CAMTA1: variants seen among roughly 807,000 people sequenced by gnomAD.
CAMTA1 encodes calmodulin binding transcription activator 1, also known as calmodulin-binding transcription activator 1.
In CAMTA1, 27 loss-of-function variants were observed where a neutral mutation model predicts 170.9. The observed-to-expected ratio is 0.16, with a 90% CI of 0.12 to 0.22. The LOEUF is 0.22. Among genes scored for constraint, CAMTA1 ranks in the 10% least tolerant of loss-of-function variants. The pLI, the probability that CAMTA1 is intolerant of heterozygous loss-of-function variation, is 1.00. For synonymous variants in CAMTA1, 833 were observed against 891.5 expected (o/e 0.93, Z 1.17); for missense variants, 1,619 against 2,217.2 (o/e 0.73, Z 5.42).
intron 7 of CAMTA1, among the ~76,000 whole-genome samples, chr1:7,656,923 G>A (rs2095908882): frequency 6.6e-6 from 1 of 152,240 alleles, no homozygotes; most frequent in South Asian, 2.1e-4. Flanking sequence ...GGCTAGGTCA[G>A]CATTGGAGTG....
intron 7 of CAMTA1, among the ~76,000 whole-genome samples, chr1:7,654,802 CACACCCACACACA>C (rs2095871821): frequency 4.6e-5 from 1 of 21,654 alleles, no homozygotes; most frequent in Admixed American, 5.1e-4. Context: ...CACCTATACA[CACACCCACACACA>C]CCACACACAC....
rs963934525 is a variant in CAMTA1, at chr1:7,634,042, C to T, written c.511-6358C>T. 1.3e-5 allele frequency among the ~76,000 whole-genome samples: 2 copies of T among 152,154 alleles called. No homozygotes were observed. Among genetic ancestry groups the T allele is most frequent in the Non-Finnish European group, 2.9e-5 (2 of 68,028 alleles). ...CGGCCAGCAAGAAGCACAGGTGGCC[C>T]GGCCTGGAACCGTGGCAGGAGTGTG... On this transcript the variant is annotated intron_variant, in intron 6 of 22. Coordinates refer to ENST00000303635, the MANE Select transcript of CAMTA1 (RefSeq NM_015215.4). The surrounding 1 kb of genome is among the most constrained non-coding windows in gnomAD (Gnocchi z 6.2).
At position 7,492,622 on chromosome 1, in the gene CAMTA1, T is replaced by TAC. The variant is rs36140947; in HGVS notation, c.510+24724_510+24725dup. ...GTGCACACACACACACAAATGTACA[T>TAC]ACACGCGCACACAAACACATACAAT... On this transcript the variant is annotated intron_variant, in intron 6 of 22. Coordinates refer to ENST00000303635, the MANE Select transcript of CAMTA1 (RefSeq NM_015215.4). 2.4e-4 allele frequency among the ~76,000 whole-genome samples: 35 copies of TAC among 146,314 alleles called. No homozygotes were observed. The East Asian group carries it at 3.9e-3, about 16-fold the overall frequency.
chr1:6,921,822 C>T (rs570326789), intron 3 of CAMTA1, among the ~76,000 whole-genome samples: 14 of 152,278 alleles, frequency 9.2e-5, no homozygotes, highest in South Asian at 2.1e-4. Flanking sequence ...GAGAAAGACC[C>T]GTCCCGCTAA....
At chr1:7,148,566 C>T (rs992418601) in intron 4 of CAMTA1, among the ~76,000 whole-genome samples, 1 of 152,168 alleles carries the variant, frequency 6.6e-6, no homozygotes, top group African/African-American at 2.4e-5. Context: ...GGGAGTGGGT[C>T]CAGTCCCCAC....
intron 11 of CAMTA1, among the ~76,000 whole-genome samples, chr1:7,720,235 G>C (rs2096640628): frequency 6.6e-6 from 1 of 152,184 alleles, no homozygotes; most frequent in South Asian, 2.1e-4. Context: ...GTTGAACCTG[G>C]CTGACTTGTT....
chr1:7,571,689 T>C (rs776372887), intron 6 of CAMTA1, among the ~76,000 whole-genome samples: 3 of 152,210 alleles, frequency 2.0e-5, no homozygotes, highest in Non-Finnish European at 2.9e-5. Context: ...TATGGCTGCA[T>C]AGTATTCCAC....
At chr1:7,373,554 A>T (rs188617713) in intron 5 of CAMTA1, among the ~76,000 whole-genome samples, 12 of 152,260 alleles carry the variant, frequency 7.9e-5, no homozygotes, top group Non-Finnish European at 7.4e-5. Flanking sequence ...ACTCAGACTC[A>T]CTCTGAGTCC....
intron 3 of CAMTA1, among the ~76,000 whole-genome samples, chr1:7,066,316 AG>A (rs1708953278): frequency 6.6e-6 from 1 of 152,176 alleles, no homozygotes; most frequent in Non-Finnish European, 1.5e-5. Context: ...GTCTCATCTC[AG>A]GTGGGCTGGC....
Position 6,965,263 on chromosome 1 carries a change from C to T in CAMTA1, c.235-126041C>T, listed in dbSNP as rs1049417406. On this transcript the variant is annotated intron_variant, in intron 3 of 22. Coordinates refer to ENST00000303635, the MANE Select transcript of CAMTA1 (RefSeq NM_015215.4). This position sits in a 1 kb window ranked among gnomAD's most constrained non-coding sequence, Gnocchi z 4.1. ...TGTGCATGTGTGTGGGCACGTGCTC[C>T]TGGGGGCATGCACATGTTTAAGTGT... 6.6e-6 allele frequency among the ~76,000 whole-genome samples: 1 copy of T among 151,606 alleles called. No individual in the cohort carries two copies. Among genetic ancestry groups the T allele is most frequent in the African/African-American group, 2.4e-5 (1 of 41,224 alleles).
chr1:6,863,795 A>G (rs1289585039), intron 3 of CAMTA1, among the ~76,000 whole-genome samples: 1 of 152,192 alleles, frequency 6.6e-6, no homozygotes, highest in East Asian at 1.9e-4. Flanking sequence ...TGAACTCTAC[A>G]CTTCATTCAG....
At chr1:7,477,895 G>C (rs551553102) in intron 6 of CAMTA1, among the ~76,000 whole-genome samples, 1 of 152,342 alleles carries the variant, frequency 6.6e-6, no homozygotes, top group Admixed American at 6.5e-5. Context: ...GGGGCATCAG[G>C]AAAGTCTTCC....
intron 6 of CAMTA1, among the ~76,000 whole-genome samples, chr1:7,557,105 C>T (rs565194194): frequency 6.6e-6 from 1 of 151,986 alleles, no homozygotes; most frequent in South Asian, 2.1e-4. Context: ...CTCAGGAGTT[C>T]GAGACCAGCC....
chr1:6,917,859 G>A (rs1029041094), intron 3 of CAMTA1, among the ~76,000 whole-genome samples: 6 of 135,754 alleles, frequency 4.4e-5, no homozygotes, highest in East Asian at 2.4e-4. Flanking sequence ...GGCGGGGGGG[G>A]ACATCTACAT....
intron 6 of CAMTA1, among the ~76,000 whole-genome samples, chr1:7,524,453 A>G (rs1171253603): frequency 6.6e-6 from 1 of 152,068 alleles, no homozygotes; most frequent in Non-Finnish European, 1.5e-5. Context: ...TTCCTGTCCC[A>G]TCAGTGTGGC....
chr1:7,138,332 T>C (rs1306553223), intron 4 of CAMTA1, among the ~76,000 whole-genome samples: 1 of 152,210 alleles, frequency 6.6e-6, no homozygotes, highest in Non-Finnish European at 1.5e-5. Flanking sequence ...ATATCCTCGA[T>C]TAGTGACATA....
At chr1:7,053,320 G>C (rs1446183940) in intron 3 of CAMTA1, among the ~76,000 whole-genome samples, 1 of 152,194 alleles carries the variant, frequency 6.6e-6, no homozygotes, top group Non-Finnish European at 1.5e-5. Context: ...CTTCACAGCA[G>C]AGCTTCATCG....
chr1:6,991,891 G>T (rs1342575110), intron 3 of CAMTA1, among the ~76,000 whole-genome samples: 1 of 151,942 alleles, frequency 6.6e-6, no homozygotes, highest in Non-Finnish European at 1.5e-5. Flanking sequence ...TAGTAGAGAT[G>T]TGGTTTTGCC....
intron 8 of CAMTA1, 56 bp from the exon 9 acceptor site, chr1:7,663,297 T>C: frequency 8.0e-6 from 12 of 1,504,604 alleles, no homozygotes; most frequent in Non-Finnish European, 1.1e-5. Flanking sequence ...TGTGCATGTG[T>C]GTGTGCACAT....
Sources: allele counts gnomAD v4.1 joint callset (sites outside exome capture counted in the v4.1 genomes callset), GRCh38; gene constraint gnomAD v4.1.1; non-coding constraint Gnocchi (gnomAD v3.1); transcripts MANE v1.5; gene names NCBI Gene and HGNC (gene_info 2026-07-23, HGNC 2026-07-21).